Variants in MN1 observed in about 807,000 individuals in gnomAD.
MN1 encodes MN1 proto-oncogene, transcriptional regulator, also known as transcriptional activator MN1.
A neutral mutation model predicts 86.9 loss-of-function variants in MN1; 19 were observed. The observed-to-expected ratio is 0.22, with a 90% CI of 0.15 to 0.32. The LOEUF (loss-of-function observed/expected upper bound fraction) is 0.32. Among genes scored for constraint, MN1 ranks in the 10% least tolerant of loss-of-function variants. MN1 has a pLI of 1.00. For synonymous variants in MN1, 928 were observed against 849.6 expected (o/e 1.09, Z -1.60); for missense variants, 1,841 against 1,862.0 (o/e 0.99, Z 0.21).
intron 1 of MN1, among the ~76,000 whole-genome samples, chr22:27,766,331 T>C (rs998740746): frequency 6.6e-6 from 1 of 152,160 alleles, no homozygotes; most frequent in Non-Finnish European, 1.5e-5. Context: ...ACTTGGCTCT[T>C]CGTGCTCTCA....
intron 1 of MN1, among the ~76,000 whole-genome samples, chr22:27,757,124 TG>T (rs1427787556): frequency 6.6e-6 from 1 of 152,084 alleles, no homozygotes; most frequent in African/African-American, 2.4e-5. Context: ...AACTGAAAGA[TG>T]GTCCAGAGAG....
At chr22:27,783,312 A>G (rs531478277) in intron 1 of MN1, among the ~76,000 whole-genome samples, 10 of 152,022 alleles carry the variant, frequency 6.6e-5, no homozygotes, top group African/African-American at 2.4e-4. Flanking sequence ...TTGTATTTTT[A>G]GTAGAGATGG....
intron 1 of MN1, among the ~76,000 whole-genome samples, chr22:27,787,472 A>G (rs1280672398): frequency 1.3e-5 from 2 of 152,222 alleles, no homozygotes; most frequent in East Asian, 3.9e-4. Context: ...CACTTGGCTT[A>G]TCTCAAGTCA....
Position 27,798,622 on chromosome 22 carries a change from T to G in MN1, c.1922A>C (p.Asp641Ala), listed in dbSNP as rs1933357298. 1.3e-6 allele frequency: 2 copies of G among 1,562,010 alleles called. No individual in the cohort carries two copies. The highest frequency in any genetic ancestry group is 1.2e-5 in the South Asian group (1 of 85,832). ...GCCGCCCATCCTACGGGGCAGCAGG[T>G]CTCCGGGCGGCGGATGCGGACCTGA... ...WFSGPHPPPG[D>A]LLPRRMGGSG... The change falls in exon 1 of 2, where the codon GAC (aspartate) becomes GCC (alanine). Residue 641 changes from aspartate to alanine, a missense_variant. Physicochemically the swap from Asp to Ala is moderately radical, Grantham distance 126 (BLOSUM62 -2). Coordinates refer to ENST00000302326, the MANE Select transcript of MN1 (RefSeq NM_002430.3).
chr22:27,782,551 T>C (rs1006493712), intron 1 of MN1, among the ~76,000 whole-genome samples: 2 of 152,252 alleles, frequency 1.3e-5, no homozygotes, highest in South Asian at 2.1e-4. Context: ...ACCTGGTATA[T>C]AGTCAGTGCT....
At position 27,782,258 on chromosome 22, in the gene MN1, C is replaced by T. The variant is rs576669774; in HGVS notation, c.3781+14505G>A. Among the ~76,000 whole-genome samples the T allele has an allele frequency of 2.6e-5, 4 of 152,250 alleles. No homozygotes were observed. In the East Asian group the frequency reaches 5.8e-4, roughly 22 times the overall value. ...ACATATAATCCTCCCCTCCCTTCCC[C>T]GGCCCCACACCGGCCCAATAGTGAG... is the stretch of plus-strand genomic sequence containing the variant. On this transcript the variant is annotated intron_variant, in intron 1 of 1. Transcript: ENST00000302326.
At chr22:27,789,169 T>G (rs975575356) in intron 1 of MN1, among the ~76,000 whole-genome samples, 6 of 152,186 alleles carry the variant, frequency 3.9e-5, no homozygotes, top group Non-Finnish European at 8.8e-5. Flanking sequence ...TGAGTAACTA[T>G]GCAGATTGTT....
At chr22:27,795,212 G>A (rs1262207040) in intron 1 of MN1, among the ~76,000 whole-genome samples, 5 of 152,268 alleles carry the variant, frequency 3.3e-5, no homozygotes, top group East Asian at 3.9e-4. Context: ...TGCGTCCCGG[G>A]CGTCCTGGGC....
intron 1 of MN1, among the ~76,000 whole-genome samples, chr22:27,777,410 G>A (rs1932991465): frequency 1.3e-5 from 2 of 152,134 alleles, no homozygotes; most frequent in South Asian, 2.1e-4. Flanking sequence ...GCACACACCT[G>A]TAGTCCTAGA....
rs746849682 is a variant in MN1, at chr22:27,798,578, A to G, written c.1966T>C (p.Cys656Arg). The G allele has an allele frequency of 1.3e-6, 2 of 1,541,182 alleles. No homozygotes were observed. The highest frequency in any genetic ancestry group is 1.7e-6 in the Non-Finnish European group (2 of 1,153,634). The change falls in exon 1 of 2, where the codon TGT becomes CGT. Residue 656 changes from cysteine (C) to arginine (R), a missense_variant. Cys to Arg is a radical substitution (Grantham distance 180). Coordinates refer to ENST00000302326, the MANE Select transcript of MN1 (RefSeq NM_002430.3). ...GCCAGGCTGGGGTCGTGCGGGCCACAGTCAGCGGGCAGACCCGAGCCGCCC... is the reference window on the plus strand; with the variant it reads ...GCCAGGCTGGGGTCGTGCGGGCCACGGTCAGCGGGCAGACCCGAGCCGCCC... ...RMGGSGLPAD[C>R]GPHDPSLAPP...
chr22:27,792,317 CATATATATATAT>C (rs36207111), intron 1 of MN1, among the ~76,000 whole-genome samples: 3,598 of 114,046 alleles, frequency 0.032, 77 homozygotes, highest in East Asian at 0.061. Context: ...ATAAAAATTG[CATATATATATAT>C]ATATATATAT....
chr22:27,787,910 C>T (rs1933157251), intron 1 of MN1, among the ~76,000 whole-genome samples: 1 of 152,182 alleles, frequency 6.6e-6, no homozygotes, highest in Admixed American at 6.5e-5. Context: ...ACCCACAATG[C>T]GGTCATCCAG....
Position 27,798,773 on chromosome 22 carries a change from G to A in MN1, c.1771C>T (p.His591Tyr). The change falls in exon 1 of 2, where the codon CAT (histidine) becomes TAT (tyrosine). Residue 591 changes from histidine (H) to tyrosine (Y), a missense_variant. Transcript: ENST00000302326. ...PGDVGQGGLV[H>Y]GGPVGGLAQP... ...GCCAAGCCGCCCACCGGGCCGCCAT[G>A]CACCAGGCCGCCCTGGCCCACGTCC... 1 of 1,534,700 alleles carries A rather than the reference G, an allele frequency of 6.5e-7. No homozygotes were observed. Among genetic ancestry groups the A allele is most frequent in the Non-Finnish European group, 8.7e-7 (1 of 1,145,682 alleles).
chr22:27,795,692 CA>C (rs1356613389), intron 1 of MN1, among the ~76,000 whole-genome samples: 12 of 150,886 alleles, frequency 8.0e-5, no homozygotes, highest in Non-Finnish European at 1.8e-4. Flanking sequence ...CATATATAGA[CA>C]CACATACCTA....
In MN1 at chr22:27,797,213, A is replaced by C. The variant is rs764728321; in HGVS notation, c.3331T>G (p.Ser1111Ala). 8 of 1,560,814 alleles carry C rather than the reference A, an allele frequency of 5.1e-6. No homozygotes were observed. Among genetic ancestry groups the C allele is most frequent in the Non-Finnish European group, 6.9e-6 (8 of 1,158,716 alleles). The change falls in exon 1 of 2, where the codon TCT (serine) becomes GCT (alanine). Residue 1111 changes from serine to alanine, a missense_variant. Transcript: ENST00000302326. The stretch of plus-strand genomic sequence containing the variant: ...CCGTAGCTGTCAGGGGTCGAGGTAG[A>C]GTTAGACATGATGCCCAGGCCGAGG... ...PALGLGIMSN[S>A]TSTPDSYGGG... is the part of the protein sequence containing the mutation.
At position 27,801,611 on chromosome 22, in the gene MN1, A is replaced by T. The variant is rs529152204; in HGVS notation, c.-1068T>A. ...TCCCGCTGCGCTCTCAGAGCCCGGA[A>T]TGGGGGGAGGGGGGCGCGGGGGCAG... On this transcript the variant is annotated 5_prime_UTR_variant, in exon 1 of 2. Transcript: ENST00000302326. 3.4e-4 allele frequency: 3 copies of T among 8,828 alleles called. No individual in the cohort carries two copies. The highest frequency in any genetic ancestry group is 4.4e-4 in the Non-Finnish European group (2 of 4,590). The allele number at this position is 8,828 out of a possible 1,614,324, so 0.5% of individuals were successfully genotyped here. A position where few individuals can be genotyped will look rare whatever the true frequency, so the allele number is the denominator to read the frequency against.
Position 27,797,116 on chromosome 22 carries a change from C to A in MN1, c.3428G>T (p.Gly1143Val). The A allele has an allele frequency of 6.3e-7, 1 of 1,592,288 alleles. No individual in the cohort carries two copies. Among genetic ancestry groups the A allele is most frequent in the Non-Finnish European group, 8.5e-7 (1 of 1,170,808 alleles). ...EQVRTPTSSS[G>V]APPPDEIHPL... ...GTGGATCTCGTCGGGTGGCGGGGCG[C>A]CGCTGCTGCTCGTCGGGGTGCGGAC... Residue 1143 changes from glycine to valine, a missense_variant, in exon 1 of 2, where the codon GGC becomes GTC. Coordinates refer to ENST00000302326, the MANE Select transcript of MN1 (RefSeq NM_002430.3).
At chr22:27,782,067 T>C (rs1933061039) in intron 1 of MN1, among the ~76,000 whole-genome samples, 1 of 152,162 alleles carries the variant, frequency 6.6e-6, no homozygotes, top group African/African-American at 2.4e-5. Context: ...GGCTGACCAT[T>C]ACTCACACAT....
chr22:27,764,529 CTG>C (rs1932855637), intron 1 of MN1, among the ~76,000 whole-genome samples: 1 of 152,218 alleles, frequency 6.6e-6, no homozygotes, highest in Admixed American at 6.5e-5. Flanking sequence ...TCATCATGCT[CTG>C]TGCATTACAT....
Sources: allele counts gnomAD v4.1 joint callset (sites outside exome capture counted in the v4.1 genomes callset), GRCh38; gene constraint gnomAD v4.1.1; transcripts MANE v1.5; gene names NCBI Gene and HGNC (gene_info 2026-07-23, HGNC 2026-07-21).